Variants in ANKRD35 observed in about 807,000 individuals in gnomAD.
ANKRD35 encodes ankyrin repeat domain-containing protein 35.
ANKRD35 carries 102 observed loss-of-function variants against 109.9 expected under a neutral mutation model. The ratio of observed to expected loss-of-function variants is 0.93; its 90% CI spans 0.79 to 1.09. ANKRD35 has a LOEUF of 1.09. ANKRD35 is among the 50% of genes least tolerant of loss of function. The pLI is 0.00. For missense variants in ANKRD35, 1,240 were observed against 1,230.1 expected (o/e 1.01, Z -0.12); for synonymous variants, 515 against 512.4 (o/e 1.01, Z -0.07).
At chr1:145,876,777 G>T (rs782389802) in intron 5 of ANKRD35, 39 bp downstream of exon 5, 2 of 1,613,674 alleles carry the variant, frequency 1.2e-6, no homozygotes, top group East Asian at 4.5e-5. Flanking sequence ...CCACCCTGTA[G>T]TCTCTGCAGC....
intron 4 of ANKRD35, among the ~76,000 whole-genome samples, chr1:145,877,361 T>C (rs587638547): frequency 6.6e-6 from 1 of 151,776 alleles, no homozygotes; most frequent in Admixed American, 6.6e-5. Context: ...GCCTCCCGAG[T>C]AACTGGGACT....
chr1:145,873,891 G>C lies in ANKRD35; in HGVS notation c.878C>G (p.Pro293Arg), dbSNP rs80055280. 7.4e-6 allele frequency: 12 copies of C among 1,614,014 alleles called. No homozygotes were observed. The South Asian group carries it at 1.3e-4, about 18-fold the overall frequency. The change falls in exon 10 of 14, where the codon CCG (proline) becomes CGG (arginine). Residue 293 changes from proline to arginine, a missense_variant. Physicochemically the swap from Pro to Arg is moderately radical, Grantham distance 103 (BLOSUM62 -2). Coordinates refer to ENST00000355594, the MANE Select transcript of ANKRD35 (RefSeq NM_144698.5). Reference protein sequence around the residue: ...EEQEEKEDEDPCSEEWRWKYE... With the variant: ...EEQEEKEDEDRCSEEWRWKYE... ...CTTCCACCTCCACTCCTCCGAGCAC[G>C]GGTCTTCATCCTCCTTCTCCTCTTG...
chr1:145,876,223 G>A lies in ANKRD35; in HGVS notation c.477C>T (p.Ile159=), dbSNP rs782098058. 14 of 1,613,756 alleles carry A rather than the reference G, an allele frequency of 8.7e-6. No homozygotes were observed. Among genetic ancestry groups the A allele is most frequent in the South Asian group, 6.6e-5 (6 of 90,996 alleles). ...TAGCTGCGTGCCCACCCAGCGATGC[G>A]ATCATCAGGGGTGTACGTCCATCCT... ...LDNDGRTPLM[I]ASLGGHAAIC... is the part of the protein sequence containing the mutation. The change falls in exon 7 of 14, where the codon ATC becomes ATT. Residue 159 remains isoleucine, a synonymous_variant. Coordinates refer to ENST00000355594, the MANE Select transcript of ANKRD35 (RefSeq NM_144698.5).
chr1:145,883,447 A>T (rs895466214), intron 1 of ANKRD35, among the ~76,000 whole-genome samples: 1 of 152,240 alleles, frequency 6.6e-6, no homozygotes, highest in African/African-American at 2.4e-5. Flanking sequence ...AGGCAGAGTA[A>T]GCTCATAGGT....
chr1:145,884,757 A>G lies in ANKRD35; in HGVS notation c.39+963T>C, dbSNP rs587686858. The stretch of plus-strand genomic sequence containing the variant: ...CACCTCAACCAAGGAAACAGAGAGT[A>G]TCATTCCTAAGCAACTGGGCAAGGG... On this transcript the variant is annotated intron_variant, in intron 1 of 13. Transcript: ENST00000355594. 2.0e-5 allele frequency among the ~76,000 whole-genome samples: 3 copies of G among 151,920 alleles called. No homozygotes were observed. In the South Asian group the frequency reaches 6.2e-4, roughly 32 times the overall value.
In ANKRD35 at chr1:145,874,993, G is replaced by A. The variant is rs1654013427; in HGVS notation, c.574C>T (p.Leu192=). 1.9e-6 allele frequency: 3 copies of A among 1,604,370 alleles called. No homozygotes were observed. Among genetic ancestry groups the A allele is most frequent in the Non-Finnish European group, 2.6e-6 (3 of 1,175,602 alleles). ...TCGGCACTGCCTTTCTCACAGGCCAGGATCAAAGCCGATCTGTGGGTTGAG... is the reference window on the plus strand; with the variant it reads ...TCGGCACTGCCTTTCTCACAGGCCAAGATCAAAGCCGATCTGTGGGTTGAG... The part of the protein sequence containing the change: ...TDKNDKSALI[L]ACEKGSAEVA... The change falls in exon 8 of 14, where the codon CTG becomes TTG. Residue 192 remains leucine (L), a synonymous_variant. Coordinates refer to ENST00000355594, the MANE Select transcript of ANKRD35 (RefSeq NM_144698.5).
chr1:145,870,588 TCTC>T (rs1344320506), intron 10 of ANKRD35, among the ~76,000 whole-genome samples: 1 of 152,102 alleles, frequency 6.6e-6, no homozygotes, highest in Non-Finnish European at 1.5e-5. Flanking sequence ...ACTTTCAACT[TCTC>T]CTTCAATGCA....
At chr1:145,868,862 G>A (rs1553738165) in intron 10 of ANKRD35, among the ~76,000 whole-genome samples, 2 of 152,144 alleles carry the variant, frequency 1.3e-5, no homozygotes, top group Admixed American at 6.5e-5. Flanking sequence ...GACCTTACCA[G>A]TTCTGAATTG....
At chr1:145,876,925 A>G in intron 4 of ANKRD35, 52 bp from the exon 5 acceptor site, 1 of 1,594,888 alleles carries the variant, frequency 6.3e-7, no homozygotes, top group Non-Finnish European at 8.6e-7. Context: ...TAACATCCTC[A>G]TCCCATACCC....
rs782716284 is a variant in ANKRD35, at chr1:145,879,309, G to T, written c.119C>A (p.Ala40Asp). ...GGTGGGTCGGGCAGATTTCCTGGAG[G>T]CCAGGGCAGCCACGCGTCCCACATC... ...RGDVGRVAAL[A>D]SRKSARPTKL... is the part of the protein sequence containing the mutation. Residue 40 changes from alanine to aspartate, a missense_variant, in exon 2 of 14, where the codon GCC becomes GAC. By Grantham distance (126) the Ala-to-Asp change is moderately radical (BLOSUM62 -2). Transcript: ENST00000355594. The T allele has an allele frequency of 6.2e-7, 1 of 1,611,470 alleles. No individual in the cohort carries two copies. The highest frequency in any genetic ancestry group is 2.2e-5 in the East Asian group (1 of 44,504).
Position 145,873,244 on chromosome 1 carries a change from C to G in ANKRD35, c.1525G>C (p.Ala509Pro), listed in dbSNP as rs781898731. Reference sequence around the variant, plus strand: ...ACCGGTCTTGACAAAGCCCCCCGGGCAGCATCCTTTTCTCGCCACACTGCA... The same window carrying G: ...ACCGGTCTTGACAAAGCCCCCCGGGGAGCATCCTTTTCTCGCCACACTGCA... The part of the protein sequence containing the change: ...LAAVWREKDA[A>P]RGALSRPVME... Residue 509 changes from alanine to proline, a missense_variant, in exon 10 of 14, where the codon GCC becomes CCC. Physicochemically the swap from Ala to Pro is conservative, Grantham distance 27 (BLOSUM62 -1). Coordinates refer to ENST00000355594, the MANE Select transcript of ANKRD35 (RefSeq NM_144698.5). The G allele has an allele frequency of 6.2e-7, 1 of 1,614,142 alleles. No individual in the cohort carries two copies. The highest frequency in any genetic ancestry group is 1.1e-5 in the South Asian group (1 of 91,088).
intron 1 of ANKRD35, 150 bp downstream of exon 1, chr1:145,885,570 G>A: frequency 1.1e-6 from 1 of 920,840 alleles, no homozygotes; most frequent in Non-Finnish European, 1.7e-6. Context: ...TCTTGAGGAA[G>A]GCAAAGCTGG....
In ANKRD35 at chr1:145,872,416, C is replaced by A. The variant is rs959533758; in HGVS notation, c.2353G>T (p.Asp785Tyr). Residue 785 changes from aspartate (D) to tyrosine (Y), a missense_variant, in exon 10 of 14, where the codon GAC becomes TAC. Transcript: ENST00000355594. ...ASPQVAALEQ[D>Y]LGKLEEELRA... ...AGCTCTTCCTCCAGCTTCCCCAGGTCTTGCTCCAGAGCGGCCACTTGGGGG... is the reference window on the plus strand; with the variant it reads ...AGCTCTTCCTCCAGCTTCCCCAGGTATTGCTCCAGAGCGGCCACTTGGGGG... 3.1e-6 allele frequency: 5 copies of A among 1,613,184 alleles called. No homozygotes were observed. Among genetic ancestry groups the A allele is most frequent in the Non-Finnish European group, 4.2e-6 (5 of 1,179,860 alleles).
chr1:145,870,960 G>A (rs1173694498), intron 10 of ANKRD35, among the ~76,000 whole-genome samples: 1 of 151,848 alleles, frequency 6.6e-6, no homozygotes, highest in Non-Finnish European at 1.5e-5. Context: ...GTTTTAATAA[G>A]AAGTCTGAAA....
intron 1 of ANKRD35, among the ~76,000 whole-genome samples, chr1:145,879,827 G>A (rs587712486): frequency 6.6e-6 from 1 of 152,234 alleles, no homozygotes; most frequent in African/African-American, 2.4e-5. Context: ...CTCCACCCCT[G>A]AAACCCTGCT....
At position 145,876,146 on chromosome 1, in the gene ANKRD35, TTCTTG is replaced by T. The variant is rs782125843; in HGVS notation, c.549_553del (p.Asp183GlufsTer2). ...ATAGACGAGGGGGGCTCACTTGTCA[TTCTTG>T]TCTGTAACATTAACTCGGGCGCCTC... On this transcript the variant is annotated frameshift_variant, in exon 7 of 14. Coordinates refer to ENST00000355594, the MANE Select transcript of ANKRD35 (RefSeq NM_144698.5). LOFTEE classifies it high-confidence loss of function. 1.2e-6 allele frequency: 2 copies of T among 1,613,822 alleles called. No individual in the cohort carries two copies. Among genetic ancestry groups the T allele is most frequent in the Admixed American group, 3.3e-5 (2 of 60,006 alleles).
intron 1 of ANKRD35, among the ~76,000 whole-genome samples, chr1:145,883,331 C>T (rs934014599): frequency 3.3e-5 from 5 of 152,110 alleles, no homozygotes; most frequent in Non-Finnish European, 5.9e-5. Flanking sequence ...GTGATCCACC[C>T]GCTTCAGCCT....
chr1:145,866,677 T>A lies in ANKRD35; in HGVS notation c.*132A>T, dbSNP rs1444195383. ...CAGGTCTGAGGTCCATAATGTCAGGTGAAGCCCTGCCCATACCATTGCCTA... is the reference window on the plus strand; with the variant it reads ...CAGGTCTGAGGTCCATAATGTCAGGAGAAGCCCTGCCCATACCATTGCCTA... On this transcript the variant is annotated 3_prime_UTR_variant, in exon 14 of 14. Coordinates refer to ENST00000355594, the MANE Select transcript of ANKRD35 (RefSeq NM_144698.5). The A allele has an allele frequency of 6.6e-6, 1 of 152,458 alleles. No homozygotes were observed. Among genetic ancestry groups the A allele is most frequent in the Non-Finnish European group, 1.5e-5 (1 of 68,320 alleles). 9.4% of individuals were successfully genotyped at this position (152,458 alleles called of 1,614,324 possible).
intron 10 of ANKRD35, among the ~76,000 whole-genome samples, chr1:145,871,764 C>G (rs1653830282): frequency 6.6e-6 from 1 of 152,254 alleles, no homozygotes; most frequent in Admixed American, 6.5e-5. Context: ...CCTAAGCCCC[C>G]TTCTCTCTTC....
Sources: gnomAD v4.1 joint callset for allele counts (sites outside exome capture counted in the v4.1 genomes callset) on GRCh38, gnomAD v4.1.1 for gene constraint, MANE v1.5 for transcripts, NCBI Gene and HGNC (gene_info 2026-07-23, HGNC 2026-07-21) for gene names.